Variants in CNTNAP3 observed in about 807,000 individuals in gnomAD.
CNTNAP3 encodes the protein contactin-associated protein-like 3.
A neutral mutation model predicts 92.1 loss-of-function variants in CNTNAP3; 36 were observed. That is an observed-to-expected ratio of 0.39 (90% CI 0.30 to 0.52). CNTNAP3 has a LOEUF of 0.52. Ranked by LOEUF, CNTNAP3 falls within the 20% of genes least tolerant of loss-of-function variation. The pLI is 0.76. For synonymous variants in CNTNAP3, 232 were observed against 422.3 expected (o/e 0.55, Z 5.53); for missense variants, 534 against 1,069.6 (o/e 0.50, Z 6.98).
chr9:39,064,788 G>A lies in CNTNAP3; in HGVS notation c.*9102C>T, dbSNP rs1825476284. On this transcript the variant is annotated 3_prime_UTR_variant, in exon 24 of 24. Coordinates refer to ENST00000297668, the MANE Select transcript of CNTNAP3 (RefSeq NM_033655.5). The stretch of plus-strand genomic sequence containing the variant: ...ATGAAAATACCACATTTTGACATTT[G>A]TATTGTACTGTGAAAGATTTATATG... Among the ~76,000 whole-genome samples, 2 of 152,414 alleles carry A rather than the reference G, an allele frequency of 1.3e-5. No homozygotes were observed. The highest frequency in any genetic ancestry group is 1.3e-4 in the Admixed American group (2 of 15,314).
At chr9:39,114,671 T>C (rs982761529) in intron 14 of CNTNAP3, among the ~76,000 whole-genome samples, 7 of 152,166 alleles carry the variant, frequency 4.6e-5, no homozygotes, top group Non-Finnish European at 1.0e-4. Context: ...GTCTGGTTTT[T>C]AAATGAACAG....
At chr9:39,168,173 C>T (rs930775428) in intron 8 of CNTNAP3, among the ~76,000 whole-genome samples, 5 of 129,760 alleles carry the variant, frequency 3.9e-5, no homozygotes, top group Admixed American at 7.8e-5. Flanking sequence ...CCCGCCACCA[C>T]GCCTGGCTAA....
intron 13 of CNTNAP3, among the ~76,000 whole-genome samples, chr9:39,131,807 G>A (rs540498632): frequency 1.3e-5 from 2 of 151,652 alleles, no homozygotes; most frequent in Middle Eastern, 3.4e-3. Context: ...CAGCCTGGGT[G>A]ACAGAGAGGC....
intron 23 of CNTNAP3, among the ~76,000 whole-genome samples, chr9:39,074,899 G>C (rs1825714959): frequency 6.6e-6 from 1 of 152,268 alleles, no homozygotes; most frequent in Non-Finnish European, 1.5e-5. Context: ...CTCCTGAGTA[G>C]CTGGGACTAC....
intron 23 of CNTNAP3, among the ~76,000 whole-genome samples, chr9:39,076,395 G>C (rs75295825): frequency 2.7e-3 from 407 of 148,706 alleles, no homozygotes; most frequent in African/African-American, 0.01. Context: ...AATTGAACAC[G>C]AAAGTACACC....
intron 18 of CNTNAP3, among the ~76,000 whole-genome samples, chr9:39,097,644 T>C (rs189581250): frequency 1.3e-5 from 2 of 150,748 alleles, no homozygotes; most frequent in Middle Eastern, 3.4e-3. Flanking sequence ...GCACCCAATC[T>C]TGGGGTAATG....
At chr9:39,081,238 A>G (rs1334378122) in intron 21 of CNTNAP3, among the ~76,000 whole-genome samples, 2 of 151,040 alleles carry the variant, frequency 1.3e-5, no homozygotes, top group Non-Finnish European at 2.9e-5. Flanking sequence ...CAGTTAACCA[A>G]TATTCAGTAG....
Position 39,071,199 on chromosome 9 carries a change from A to T in CNTNAP3, c.*2691T>A, listed in dbSNP as rs1415806951. On this transcript the variant is annotated 3_prime_UTR_variant, in exon 24 of 24. Transcript: ENST00000297668. ...TACACAGTCTGGAAGAAAATGTTAA[A>T]TTTACTGTGACTTTTCACAGTAATA... 6.6e-6 allele frequency among the ~76,000 whole-genome samples: 1 copy of T among 151,936 alleles called. No homozygotes were observed. Among genetic ancestry groups the T allele is most frequent in the Non-Finnish European group, 1.5e-5 (1 of 67,988 alleles).
chr9:39,127,346 C>A (rs906356029), intron 13 of CNTNAP3, among the ~76,000 whole-genome samples: 26 of 151,642 alleles, frequency 1.7e-4, no homozygotes, highest in Admixed American at 1.3e-4. Flanking sequence ...AGCCCTAAAG[C>A]CAATAATGTA....
At chr9:39,082,746 C>A (rs1483128142) in intron 21 of CNTNAP3, among the ~76,000 whole-genome samples, 1 of 152,298 alleles carries the variant, frequency 6.6e-6, no homozygotes, top group African/African-American at 2.4e-5. Flanking sequence ...TCCCCAAACT[C>A]AGTGTTCCTC....
intron 12 of CNTNAP3, among the ~76,000 whole-genome samples, chr9:39,134,251 G>A (rs1016060965): frequency 1.3e-5 from 2 of 151,996 alleles, no homozygotes; most frequent in African/African-American, 4.8e-5. Context: ...CCACAAATGA[G>A]CCACAAGTAC....
At chr9:39,083,882 C>G (rs893375784) in intron 21 of CNTNAP3, among the ~76,000 whole-genome samples, 1 of 151,740 alleles carries the variant, frequency 6.6e-6, no homozygotes, top group South Asian at 2.1e-4. Context: ...TAGGTTTACT[C>G]TGAATTGATC....
At chr9:39,095,632 T>TGATTTTCATTTGTTGAACC (rs1344042349) in intron 18 of CNTNAP3, among the ~76,000 whole-genome samples, 2 of 145,384 alleles carry the variant, frequency 1.4e-5, no homozygotes, top group African/African-American at 5.0e-5. Context: ...ATATGTTGAC[T>TGATTTTCATTTGTTGAACC]GATTTTCATT....
At chr9:39,101,906 A>C (rs1427535252) in intron 17 of CNTNAP3, among the ~76,000 whole-genome samples, 3 of 152,310 alleles carry the variant, frequency 2.0e-5, no homozygotes, top group Non-Finnish European at 2.9e-5. Context: ...GATCCCTCTC[A>C]TTAGCTGGTT....
At chr9:39,131,258 C>A (rs2778167) in intron 13 of CNTNAP3, among the ~76,000 whole-genome samples, 6 of 152,112 alleles carry the variant, frequency 3.9e-5, no homozygotes, top group Non-Finnish European at 8.8e-5. Flanking sequence ...CTTATGTAAG[C>A]TATCTCATTT....
chr9:39,260,752 C>A (rs7846921), intron 2 of CNTNAP3, among the ~76,000 whole-genome samples: 283 of 298 alleles, frequency 0.95, 134 homozygotes, highest in African/African-American at 0.97. Flanking sequence ...AAAAAAAAAA[C>A]CCAACAGCAA....
intron 13 of CNTNAP3, among the ~76,000 whole-genome samples, chr9:39,119,743 A>C (rs1820957306): frequency 6.6e-6 from 1 of 152,190 alleles, no homozygotes. Context: ...TCTGGAAATA[A>C]TACAGAAGAC....
At chr9:39,128,319 T>C (rs1056697937) in intron 13 of CNTNAP3, among the ~76,000 whole-genome samples, 1 of 152,044 alleles carries the variant, frequency 6.6e-6, no homozygotes, top group African/African-American at 2.4e-5. Flanking sequence ...ATATCTCTTA[T>C]GAATTTGAAT....
At chr9:39,121,393 T>G (rs1821015190) in intron 13 of CNTNAP3, among the ~76,000 whole-genome samples, 1 of 152,022 alleles carries the variant, frequency 6.6e-6, no homozygotes, top group African/African-American at 2.4e-5. Flanking sequence ...AGGCAAAAAT[T>G]GAGACTTCTG....
Sources: gnomAD v4.1 joint callset for allele counts (sites outside exome capture counted in the v4.1 genomes callset) on GRCh38, gnomAD v4.1.1 for gene constraint, MANE v1.5 for transcripts, NCBI Gene and HGNC (gene_info 2026-07-23, HGNC 2026-07-21) for gene names.